The following SYT1 variants were observed in gnomAD, a reference collection of about 807,000 sequenced individuals.
SYT1 encodes the protein synaptotagmin-1.
SYT1 carries 8 observed loss-of-function variants against 44.8 expected under a neutral mutation model. The ratio of observed to expected loss-of-function variants is 0.18; its 90% confidence interval spans 0.10 to 0.32. SYT1 has a LOEUF of 0.32. SYT1 is among the 10% of genes least tolerant of loss of function. The pLI is 1.00. For missense variants in SYT1, 286 were observed against 509.3 expected (o/e 0.56, Z 4.22); for synonymous variants, 154 against 188.8 (o/e 0.82, Z 1.51).
chr12:79,297,330 T>C (rs1478011913), intron 7 of SYT1, among the ~76,000 whole-genome samples: 1 of 152,194 alleles, frequency 6.6e-6, no homozygotes, highest in African/African-American at 2.4e-5. Context: ...CTCATGAAGC[T>C]TAATCACTAT....
intron 3 of SYT1, among the ~76,000 whole-genome samples, chr12:79,163,960 T>G (rs182102146): frequency 6.6e-6 from 1 of 152,234 alleles, no homozygotes; most frequent in African/African-American, 2.4e-5. Context: ...GGATATTGAA[T>G]GAGAAAGAAT....
rs553078433 is a variant in SYT1 at position 79,150,969 on chromosome 12, G to A, written c.-17-66534G>A. The stretch of plus-strand genomic sequence containing the variant: ...GGAAAATAAAGGGGAGCATGATTTT[G>A]AGGACAAGGAGGGAATAAGAAGAGC... On this transcript the variant is annotated intron_variant, in intron 3 of 10. Transcript: ENST00000261205. Among the ~76,000 whole-genome samples, 4 of 152,180 alleles carry A rather than the reference G, an allele frequency of 2.6e-5. No individual in the cohort carries two copies. In the South Asian group the frequency reaches 8.3e-4, roughly 32 times the overall value.
At chr12:79,353,713 T>C (rs187822353) in intron 9 of SYT1, 94 bp downstream of exon 9, 23 of 884,476 alleles carry the variant, frequency 2.6e-5, no homozygotes, top group Middle Eastern at 2.2e-4. Context: ...CACTTCTTAA[T>C]TGATCACAGT....
rs567658955 is a variant in SYT1, at chr12:79,301,898, CTG to C, written c.810+2349_810+2350del. Among the ~76,000 whole-genome samples, 8 of 152,222 alleles carry C rather than the reference CTG, an allele frequency of 5.3e-5. No homozygotes were observed. The South Asian group carries it at 1.7e-3, about 32-fold the overall frequency. ...TTATCAAGGTATAGGTTATAAAAAA[CTG>C]TATAAGACAGATGTCTAGCTTACAA... On this transcript the variant is annotated intron_variant, in intron 8 of 10. Transcript: ENST00000261205.
At chr12:78,956,034 A>G (rs1029868377) in intron 1 of SYT1, among the ~76,000 whole-genome samples, 91 of 152,114 alleles carry the variant, frequency 6.0e-4, no homozygotes, top group South Asian at 1.5e-3. Flanking sequence ...GGAAACTTCT[A>G]TAATATGAAA....
At chr12:79,237,884 C>A (rs1331365328) in intron 4 of SYT1, among the ~76,000 whole-genome samples, 1 of 152,030 alleles carries the variant, frequency 6.6e-6, no homozygotes, top group Non-Finnish European at 1.5e-5. Flanking sequence ...AGATGTTATG[C>A]AGAATACATT....
Position 79,399,030 on chromosome 12 carries a change from G to A in SYT1, c.929-45043G>A, listed in dbSNP as rs901355162. ...GTCTCAGAAAGTCTTCTATATTTCT[G>A]TCTGCTTAGTCAGTCAATGTTGACA... On this transcript the variant is annotated intron_variant, in intron 9 of 10. Transcript: ENST00000261205. Among the ~76,000 whole-genome samples the A allele has an allele frequency of 7.2e-5, 11 of 152,212 alleles. 1 individual carries two copies. Among genetic ancestry groups the A allele is most frequent in the African/African-American group, 2.6e-4 (11 of 41,524 alleles).
At chr12:78,994,534 A>ATTTT (rs1158976321) in intron 2 of SYT1, among the ~76,000 whole-genome samples, 5 of 55,584 alleles carry the variant, frequency 9.0e-5, no homozygotes, top group Admixed American at 2.3e-4. Flanking sequence ...TGTTCTGAGG[A>ATTTT]TTTTTTTTTT....
chr12:79,324,989 G>A (rs533230698), intron 8 of SYT1, among the ~76,000 whole-genome samples: 1 of 152,338 alleles, frequency 6.6e-6, no homozygotes, highest in South Asian at 2.1e-4. Flanking sequence ...CAGTTGGGCT[G>A]TGTTATAAGT....
chr12:78,938,765 A>G (rs1878199783), intron 1 of SYT1, among the ~76,000 whole-genome samples: 1 of 152,194 alleles, frequency 6.6e-6, no homozygotes, highest in Non-Finnish European at 1.5e-5. Context: ...GCTATCCAGG[A>G]AGTATAACTC....
At chr12:79,030,291 G>A (rs1332509278) in intron 2 of SYT1, among the ~76,000 whole-genome samples, 2 of 150,736 alleles carry the variant, frequency 1.3e-5, no homozygotes, top group East Asian at 3.9e-4. Context: ...CTACAATATG[G>A]TCCAATCAAC....
intron 1 of SYT1, among the ~76,000 whole-genome samples, chr12:78,907,351 A>T (rs1876049231): frequency 2.0e-5 from 3 of 152,034 alleles, no homozygotes; most frequent in African/African-American, 7.2e-5. Flanking sequence ...CCTATACAAT[A>T]TGGAAAAATC....
At chr12:78,876,032 C>T (rs985020373) in intron 1 of SYT1, among the ~76,000 whole-genome samples, 1 of 151,642 alleles carries the variant, frequency 6.6e-6, no homozygotes, top group African/African-American at 2.4e-5. Context: ...CTTTTTATCA[C>T]ATTCATGACA....
At chr12:79,222,672 T>G (rs1875246732) in intron 4 of SYT1, among the ~76,000 whole-genome samples, 1 of 152,174 alleles carries the variant, frequency 6.6e-6, no homozygotes, top group Admixed American at 6.6e-5. Flanking sequence ...CGTGAGCCAC[T>G]GCACCTGGCC....
rs115534655 is a variant in SYT1, at chr12:78,929,593, A to G, written c.-216-48206A>G. 1.6e-3 allele frequency among the ~76,000 whole-genome samples: 249 copies of G among 151,896 alleles called. 1 individual carries two copies. The highest frequency in any genetic ancestry group is 4.9e-3 in the African/African-American group (203 of 41,502). On this transcript the variant is annotated intron_variant, in intron 1 of 10. Transcript: ENST00000261205. Reference sequence around the variant, plus strand: ...GAGTAGGAAAAGATAGAGATTTTCAAAAGACAAATTTTATTTTAAAAAGCC... The same window carrying G: ...GAGTAGGAAAAGATAGAGATTTTCAGAAGACAAATTTTATTTTAAAAAGCC...
At chr12:79,089,079 T>C (rs1338903743) in intron 3 of SYT1, among the ~76,000 whole-genome samples, 12 of 151,854 alleles carry the variant, frequency 7.9e-5, no homozygotes, top group Non-Finnish European at 1.6e-4. Flanking sequence ...GAAAGATGGA[T>C]AGAGATAAAA....
intron 9 of SYT1, among the ~76,000 whole-genome samples, chr12:79,418,429 T>C (rs1868892713): frequency 6.6e-6 from 1 of 152,136 alleles, no homozygotes; most frequent in African/African-American, 2.4e-5. Context: ...TTAAAAGTAA[T>C]TGATTTATGA....
intron 5 of SYT1, among the ~76,000 whole-genome samples, chr12:79,287,166 G>C (rs930655373): frequency 6.6e-6 from 1 of 152,000 alleles, no homozygotes; most frequent in Admixed American, 6.6e-5. Flanking sequence ...TTTCACAAAG[G>C]CTCATGTTTT....
chr12:78,951,584 C>T (rs962725041), intron 1 of SYT1, among the ~76,000 whole-genome samples: 15 of 152,120 alleles, frequency 9.9e-5, no homozygotes, highest in African/African-American at 2.9e-4. Context: ...AATTGGAATA[C>T]TCCAAGGTGG....
Sources: gnomAD v4.1 joint callset for allele counts (sites outside exome capture counted in the v4.1 genomes callset) on GRCh38, gnomAD v4.1.1 for gene constraint, MANE v1.5 for transcripts, NCBI Gene and HGNC (gene_info 2026-07-23, HGNC 2026-07-21) for gene names.